The following COL25A1 variants were observed in gnomAD, a reference collection of about 807,000 sequenced individuals.
COL25A1 encodes collagen alpha-1(XXV) chain.
A neutral mutation model predicts 128.4 loss-of-function variants in COL25A1; 103 were observed. The observed-to-expected ratio is 0.80, with a 90% CI of 0.68 to 0.94. The LOEUF (loss-of-function observed/expected upper bound fraction) is 0.94. Ranked by LOEUF, COL25A1 falls within the 40% of genes least tolerant of loss-of-function variation. The pLI is 0.00. For synonymous variants in COL25A1, 279 were observed against 277.2 expected, an observed-to-expected ratio of 1.01 and a Z score of -0.06; for missense variants, 745 against 840.0, an observed-to-expected ratio of 0.89 and a Z score of 1.40.
chr4:108,927,674 TA>T (rs1746230561), intron 11 of COL25A1, among the ~76,000 whole-genome samples: 1 of 152,242 alleles, frequency 6.6e-6, no homozygotes, highest in South Asian at 2.1e-4. Context: ...AATTATTTTT[TA>T]AAAGAGTAAA....
chr4:108,862,610 G>T (rs534925878), intron 21 of COL25A1, 65 bp from the exon 22 acceptor site: 12 of 1,332,520 alleles, frequency 9.0e-6, no homozygotes, highest in Middle Eastern at 3.7e-4. Flanking sequence ...CAGAAAAATA[G>T]AAATTAGCAG....
intron 3 of COL25A1, among the ~76,000 whole-genome samples, chr4:109,267,938 T>A (rs1205708360): frequency 6.6e-6 from 1 of 152,164 alleles, no homozygotes; most frequent in African/African-American, 2.4e-5. Context: ...TCCTTAGTCA[T>A]GACATACATC....
chr4:108,879,235 C>A lies in COL25A1; in HGVS notation c.1020+4943G>T, dbSNP rs528041853. ...TACTGTCTCATACCCTCCTAGTCCC[C>A]AAGTTCTTGATCTTAATGTCAAATT... is the stretch of plus-strand genomic sequence containing the variant. On this transcript the variant is annotated intron_variant, in intron 19 of 37. Coordinates refer to ENST00000399132, the MANE Select transcript of COL25A1 (RefSeq NM_198721.4). Among the ~76,000 whole-genome samples the A allele has an allele frequency of 5.4e-4, 82 of 152,308 alleles. 1 individual carries two copies. The South Asian group carries it at 0.017, about 31-fold the overall frequency.
chr4:108,824,154 T>G lies in COL25A1; in HGVS notation c.1845+20A>C. ...CAGGAGAAGAATCAAACAAGGTACA[T>G]GCTGGGATGGAGAGGTCACCTTTTC... On this transcript the variant is annotated intron_variant, in intron 35 of 37. Transcript: ENST00000399132. 1.9e-6 allele frequency: 3 copies of G among 1,614,082 alleles called. No individual in the cohort carries two copies. The highest frequency in any genetic ancestry group is 8.5e-7 in the Non-Finnish European group (1 of 1,179,966).
chr4:108,823,270 G>T (rs1417299480), intron 35 of COL25A1, among the ~76,000 whole-genome samples: 1 of 152,124 alleles, frequency 6.6e-6, no homozygotes, highest in Non-Finnish European at 1.5e-5. Context: ...TTGAGGGATT[G>T]AGTTTTTGAT....
intron 3 of COL25A1, among the ~76,000 whole-genome samples, chr4:109,186,497 T>A (rs527361750): frequency 1.1e-3 from 163 of 152,342 alleles, no homozygotes; most frequent in African/African-American, 3.8e-3. Flanking sequence ...ATTGTATGCT[T>A]CCTATAAAAG....
chr4:109,084,030 A>C (rs79136195), intron 3 of COL25A1, among the ~76,000 whole-genome samples: 2,511 of 152,174 alleles, frequency 0.017, 62 homozygotes, highest in African/African-American at 0.057. Flanking sequence ...AATCCACTAC[A>C]CAAGACTCAT....
At chr4:108,976,392 G>GCTAC (rs1460464620) in intron 6 of COL25A1, among the ~76,000 whole-genome samples, 1 of 152,200 alleles carries the variant, frequency 6.6e-6, no homozygotes, top group Non-Finnish European at 1.5e-5. Context: ...GTTAAGTGAT[G>GCTAC]CTACGTATGT....
intron 3 of COL25A1, among the ~76,000 whole-genome samples, chr4:109,142,612 T>C (rs1334135624): frequency 6.6e-6 from 1 of 151,976 alleles, no homozygotes; most frequent in Non-Finnish European, 1.5e-5. Flanking sequence ...TGGGTGCATA[T>C]ATATTTAGGT....
At chr4:109,106,509 C>T (rs2043126701) in intron 3 of COL25A1, among the ~76,000 whole-genome samples, 1 of 151,848 alleles carries the variant, frequency 6.6e-6, no homozygotes, top group South Asian at 2.1e-4. Context: ...TCCACAGCTA[C>T]CTTACAGGAT....
At chr4:108,984,656 C>T (rs1042673340) in intron 6 of COL25A1, among the ~76,000 whole-genome samples, 7 of 152,238 alleles carry the variant, frequency 4.6e-5, no homozygotes, top group African/African-American at 1.7e-4. Flanking sequence ...GTGCGGGGTT[C>T]GCTGAGCCCA....
At chr4:108,814,487 T>C (rs1430826650) in intron 37 of COL25A1, among the ~76,000 whole-genome samples, 1 of 152,178 alleles carries the variant, frequency 6.6e-6, no homozygotes, top group Non-Finnish European at 1.5e-5. Context: ...TGTCAGGCCT[T>C]CAATCTGTAT....
intron 3 of COL25A1, among the ~76,000 whole-genome samples, chr4:109,229,818 G>A (rs752323959): frequency 4.6e-5 from 7 of 152,172 alleles, no homozygotes; most frequent in Non-Finnish European, 7.3e-5. Context: ...ATGCTGGGCT[G>A]TTCTTGCATT....
intron 17 of COL25A1, 96 bp from the exon 18 acceptor site, chr4:108,889,352 C>T: frequency 1.9e-6 from 2 of 1,057,572 alleles, no homozygotes; most frequent in East Asian, 2.4e-5. Context: ...GGCCTAGCCC[C>T]CTTCTTCAAC....
intron 34 of COL25A1, 44 bp from the exon 35 acceptor site, chr4:108,824,271 G>A: frequency 7.4e-7 from 1 of 1,346,846 alleles, no homozygotes; most frequent in South Asian, 1.2e-5. Flanking sequence ...TGGTGTAATA[G>A]TGGCAAAATC....
intron 12 of COL25A1, among the ~76,000 whole-genome samples, chr4:108,920,094 A>C (rs1043772246): frequency 1.3e-4 from 20 of 152,254 alleles, no homozygotes; most frequent in African/African-American, 4.8e-4. Context: ...AATTCTGATG[A>C]TTGCGGATAA....
chr4:109,106,542 A>G (rs1165449011), intron 3 of COL25A1, among the ~76,000 whole-genome samples: 1 of 152,106 alleles, frequency 6.6e-6, no homozygotes, highest in Non-Finnish European at 1.5e-5. Flanking sequence ...TGAAAGAGGT[A>G]TTCAGCTATC....
chr4:108,981,643 G>A (rs1013206725), intron 6 of COL25A1, among the ~76,000 whole-genome samples: 2 of 152,134 alleles, frequency 1.3e-5, no homozygotes, highest in Non-Finnish European at 2.9e-5. Context: ...GAGTCAAACC[G>A]ATGCAGATTG....
intron 3 of COL25A1, among the ~76,000 whole-genome samples, chr4:109,246,388 A>G (rs1780269621): frequency 6.6e-6 from 1 of 152,208 alleles, no homozygotes; most frequent in Non-Finnish European, 1.5e-5. Context: ...TTTCATCTAT[A>G]TCAATGAAAT....
Sources: gnomAD v4.1 joint callset for allele counts (sites outside exome capture counted in the v4.1 genomes callset) on GRCh38, gnomAD v4.1.1 for gene constraint, MANE v1.5 for transcripts, NCBI Gene and HGNC (gene_info 2026-07-23, HGNC 2026-07-21) for gene names.